RELN: variants seen among roughly 807,000 people sequenced by gnomAD.
RELN encodes the protein reelin.
Under a neutral mutation model 427.6 loss-of-function variants are expected in RELN, and 108 were observed. The ratio of observed to expected loss-of-function variants is 0.25; its 90% CI spans 0.22 to 0.30. RELN has a LOEUF of 0.30. RELN is among the 10% of genes least tolerant of loss of function. The pLI is 1.00. For missense variants in RELN, 3,715 were observed against 4,302.8 expected (o/e 0.86, Z 3.82); for synonymous variants, 1,524 against 1,513.4 (o/e 1.01, Z -0.16).
intron 2 of RELN, among the ~76,000 whole-genome samples, chr7:103,837,687 C>T (rs1793443474): frequency 6.6e-6 from 1 of 152,086 alleles, no homozygotes; most frequent in Non-Finnish European, 1.5e-5. Flanking sequence ...ACTGCCCACT[C>T]GCTGCCCACT....
In RELN at chr7:103,741,533, A is replaced by T. The variant is rs139614354; in HGVS notation, c.656+7893T>A. Among the ~76,000 whole-genome samples the T allele has an allele frequency of 5.2e-3, 784 of 152,062 alleles. 8 individuals are homozygous for T. Among genetic ancestry groups the T allele is most frequent in the African/African-American group, 0.018 (750 of 41,454 alleles). On this transcript the variant is annotated intron_variant, in intron 6 of 64. Transcript: ENST00000428762. ...AGAAGGGATAGTCTAATGTACAAATATATCACAAGAGAAAAAAAGGAGGAT... is the reference window on the plus strand; with the variant it reads ...AGAAGGGATAGTCTAATGTACAAATTTATCACAAGAGAAAAAAAGGAGGAT...
chr7:103,601,222 C>A (rs923885604), intron 24 of RELN, among the ~76,000 whole-genome samples: 7 of 91,260 alleles, frequency 7.7e-5, no homozygotes, highest in African/African-American at 3.8e-4. Flanking sequence ...GGACCACAAC[C>A]TTTCCATTTC....
chr7:103,938,038 T>C (rs1433368129), intron 1 of RELN, among the ~76,000 whole-genome samples: 1 of 152,208 alleles, frequency 6.6e-6, no homozygotes, highest in African/African-American at 2.4e-5. Context: ...CCCTAGTTCC[T>C]GGCCGGGCGT....
At chr7:103,600,428 A>G (rs1008415946) in intron 24 of RELN, among the ~76,000 whole-genome samples, 7 of 152,134 alleles carry the variant, frequency 4.6e-5, no homozygotes, top group Admixed American at 2.6e-4. Context: ...GTTTTTTCCT[A>G]TGGAGCTGGT....
intron 52 of RELN, among the ~76,000 whole-genome samples, chr7:103,502,793 T>C (rs1829078786): frequency 6.6e-6 from 1 of 152,194 alleles, no homozygotes; most frequent in African/African-American, 2.4e-5. Context: ...AATAAGAGTC[T>C]GCAAAAGCCC....
chr7:103,758,472 T>A (rs868533688), intron 4 of RELN, among the ~76,000 whole-genome samples: 1 of 151,902 alleles, frequency 6.6e-6, no homozygotes, highest in Non-Finnish European at 1.5e-5. Context: ...AAAAGCTTTT[T>A]TCCAGCTAGG....
At chr7:103,904,668 AAAG>A (rs1259377308) in intron 2 of RELN, among the ~76,000 whole-genome samples, 3 of 152,182 alleles carry the variant, frequency 2.0e-5, no homozygotes, top group Admixed American at 2.0e-4. Context: ...TGCCTAAAGG[AAAG>A]AAAACAAGTG....
At chr7:103,697,396 G>A (rs1165362526) in intron 10 of RELN, among the ~76,000 whole-genome samples, 1 of 152,066 alleles carries the variant, frequency 6.6e-6, no homozygotes, top group African/African-American at 2.4e-5. Flanking sequence ...TCTACTTGGA[G>A]TCCCTATTCT....
chr7:103,605,475 G>A (rs1406072604), intron 22 of RELN, among the ~76,000 whole-genome samples: 1 of 152,128 alleles, frequency 6.6e-6, no homozygotes, highest in African/African-American at 2.4e-5. Flanking sequence ...CCAGAGAAGT[G>A]GATATTTTGA....
chr7:103,853,740 AAT>A (rs1009900700), intron 2 of RELN, among the ~76,000 whole-genome samples: 4 of 152,046 alleles, frequency 2.6e-5, no homozygotes, highest in Non-Finnish European at 5.9e-5. Context: ...TAATATACAA[AAT>A]ATGTTAGAAC....
intron 3 of RELN, among the ~76,000 whole-genome samples, chr7:103,827,770 G>T (rs1035688979): frequency 2.6e-5 from 4 of 151,912 alleles, no homozygotes; most frequent in African/African-American, 9.7e-5. Context: ...ATTGTCTCAA[G>T]TTGGGAGATG....
chr7:103,702,146 A>T (rs1472784224), intron 8 of RELN, among the ~76,000 whole-genome samples: 1 of 152,218 alleles, frequency 6.6e-6, no homozygotes, highest in South Asian at 2.1e-4. Context: ...TCAAATGGAA[A>T]CCCACCTTAT....
chr7:103,760,287 C>G (rs1168072084), intron 4 of RELN, among the ~76,000 whole-genome samples: 2 of 151,878 alleles, frequency 1.3e-5, no homozygotes, highest in African/African-American at 2.4e-5. Flanking sequence ...AAAAGCATTT[C>G]TGTGCATATG....
At chr7:103,941,044 C>T (rs537484161) in intron 1 of RELN, among the ~76,000 whole-genome samples, 2 of 152,288 alleles carry the variant, frequency 1.3e-5, no homozygotes, top group East Asian at 3.9e-4. Context: ...CCAAATCTTC[C>T]TCCCTGGATG....
chr7:103,698,032 C>T lies in RELN; in HGVS notation c.964G>A (p.Glu322Lys), dbSNP rs1285253115. 4 of 1,613,788 alleles carry T rather than the reference C, an allele frequency of 2.5e-6. No individual in the cohort carries two copies. The highest frequency in any genetic ancestry group is 1.3e-5 in the African/African-American group (1 of 75,022). Residue 322 changes from glutamate (E) to lysine (K), a missense_variant, in exon 10 of 65, where the codon GAG becomes AAG. Physicochemically the swap from Glu to Lys is moderately conservative, Grantham distance 56. Coordinates refer to ENST00000428762, the MANE Select transcript of RELN (RefSeq NM_005045.4). ...TGCTTCCACTGAAATTGGACATTCT[C>T]CCCTTTGGCGTCCTCAGGAAGGTAG... ...ILYLPEDAKGENVQFQWKQEN... is the reference protein window; with the variant it reads ...ILYLPEDAKGKNVQFQWKQEN...
chr7:103,918,813 A>C (rs775592434), intron 1 of RELN, among the ~76,000 whole-genome samples: 3 of 152,156 alleles, frequency 2.0e-5, no homozygotes, highest in Non-Finnish European at 4.4e-5. Flanking sequence ...TGGCTATTTA[A>C]ATATGTAAAA....
intron 2 of RELN, among the ~76,000 whole-genome samples, chr7:103,839,743 T>C (rs1454898521): frequency 6.6e-6 from 1 of 152,238 alleles, no homozygotes; most frequent in African/African-American, 2.4e-5. Context: ...AAGTGCTTCA[T>C]AAATATTAAC....
At chr7:103,756,187 T>C (rs1425558503) in intron 4 of RELN, among the ~76,000 whole-genome samples, 3 of 152,208 alleles carry the variant, frequency 2.0e-5, no homozygotes, top group African/African-American at 7.2e-5. Flanking sequence ...GAAATGGACA[T>C]CTACCTTTGC....
chr7:103,742,250 C>T (rs918027885), intron 6 of RELN, among the ~76,000 whole-genome samples: 7 of 152,088 alleles, frequency 4.6e-5, no homozygotes, highest in Non-Finnish European at 7.4e-5. Flanking sequence ...GACATCCACA[C>T]CAAAAACCCA....
Sources: allele counts gnomAD v4.1 joint callset (sites outside exome capture counted in the v4.1 genomes callset), GRCh38; gene constraint gnomAD v4.1.1; transcripts MANE v1.5; gene names NCBI Gene and HGNC (gene_info 2026-07-23, HGNC 2026-07-21).